The following DAPK2 variants were observed in gnomAD, a reference collection of about 807,000 sequenced individuals.
DAPK2 encodes death associated protein kinase 2.
In DAPK2, 35 loss-of-function variants were observed where a neutral mutation model predicts 44.1. The ratio of observed to expected loss-of-function variants is 0.79; its 90% CI spans 0.61 to 1.05. The LOEUF (loss-of-function observed/expected upper bound fraction) is 1.05. DAPK2 is among the 50% of genes least tolerant of loss of function. DAPK2 has a pLI of 0.00. For synonymous variants in DAPK2, 174 were observed against 182.6 expected (o/e 0.95, Z 0.38); for missense variants, 453 against 483.2 (o/e 0.94, Z 0.59).
intron 1 of DAPK2, among the ~76,000 whole-genome samples, chr15:64,008,313 G>A (rs1355685629): frequency 6.6e-6 from 1 of 151,884 alleles, no homozygotes; most frequent in Non-Finnish European, 1.5e-5. Flanking sequence ...TTCATATATT[G>A]GCCTCAGACA....
intron 3 of DAPK2, among the ~76,000 whole-genome samples, chr15:63,953,359 G>C (rs186440670): frequency 2.0e-5 from 3 of 152,126 alleles, no homozygotes; most frequent in Non-Finnish European, 2.9e-5. Context: ...ATGCATAAAT[G>C]AGAACATACA....
At chr15:63,922,813 G>A (rs2079116024) in intron 8 of DAPK2, 6 of 1,535,852 alleles carry the variant, frequency 3.9e-6, no homozygotes, top group Non-Finnish European at 5.2e-6. Context: ...TGGTGTCCTG[G>A]TAGAATGTGG....
At chr15:63,924,081 G>A (rs140554140) in intron 8 of DAPK2, among the ~76,000 whole-genome samples, 5 of 152,220 alleles carry the variant, frequency 3.3e-5, no homozygotes, top group East Asian at 1.9e-4. Context: ...GTCTGGTGAC[G>A]TCCCTGGGTG....
chr15:64,031,259 G>T (rs1196547387), intron 1 of DAPK2, among the ~76,000 whole-genome samples: 6 of 151,470 alleles, frequency 4.0e-5, no homozygotes, highest in African/African-American at 1.5e-4. Context: ...TTGAGACAGG[G>T]TCTTGCTCTG....
In DAPK2 at chr15:63,939,425, A is replaced by T; in HGVS notation, c.454-64T>A. 2 of 1,520,694 alleles carry T rather than the reference A, an allele frequency of 1.3e-6. No individual in the cohort carries two copies. Among genetic ancestry groups the T allele is most frequent in the Non-Finnish European group, 1.8e-6 (2 of 1,133,752 alleles). 94.2% of individuals were successfully genotyped at this position (1,520,694 alleles called of 1,614,324 possible). A position where few individuals can be genotyped will look rare whatever the true frequency, so the allele number is the denominator to read the frequency against. ...GAAAAGAAAAAAAAAGACGGTAATT[A>T]AAGGCTGGTTGGTTCGTGTTTTGGC... On this transcript the variant is annotated intron_variant, in intron 3 of 10. Coordinates refer to ENST00000261891, the Ensembl canonical transcript of DAPK2. This position sits in a 1 kb window ranked among gnomAD's most constrained non-coding sequence, Gnocchi z 4.3.
intron 2 of DAPK2, among the ~76,000 whole-genome samples, chr15:63,982,187 C>CTT (rs5813271): frequency 0.053 from 5,705 of 107,768 alleles, 334 homozygotes; most frequent in Non-Finnish European, 0.066. Flanking sequence ...TCAGAATATT[C>CTT]TTTTTTTTTT....
chr15:63,928,942 C>A (rs539032591), intron 6 of DAPK2, among the ~76,000 whole-genome samples: 68 of 152,278 alleles, frequency 4.5e-4, no homozygotes, highest in African/African-American at 1.5e-3. Flanking sequence ...GTGGCTCATA[C>A]CTGTAATCCC....
chr15:64,039,544 T>G (rs190001061), intron 1 of DAPK2, among the ~76,000 whole-genome samples: 9 of 152,284 alleles, frequency 5.9e-5, no homozygotes, highest in African/African-American at 2.2e-4. Context: ...ACCTAAATAT[T>G]AGCAGCTGGT....
At chr15:63,950,428 G>A (rs1388870343) in intron 3 of DAPK2, among the ~76,000 whole-genome samples, 4 of 150,908 alleles carry the variant, frequency 2.7e-5, no homozygotes, top group Non-Finnish European at 4.4e-5. Flanking sequence ...CTGTTACCCA[G>A]GCTGGTCTCA....
At chr15:63,962,503 T>C (rs746197916) in intron 3 of DAPK2, among the ~76,000 whole-genome samples, 1 of 152,250 alleles carries the variant, frequency 6.6e-6, no homozygotes, top group Non-Finnish European at 1.5e-5. Flanking sequence ...TGGTCTTTGA[T>C]GATGGTGACG....
chr15:63,945,815 G>C (rs2077434677), intron 3 of DAPK2, among the ~76,000 whole-genome samples: 1 of 152,174 alleles, frequency 6.6e-6, no homozygotes, highest in African/African-American at 2.4e-5. Context: ...CTCCCAAGCT[G>C]GCTGTGAAAA....
At chr15:63,931,184 A>G (rs2079543386) in intron 4 of DAPK2, among the ~76,000 whole-genome samples, 1 of 152,222 alleles carries the variant, frequency 6.6e-6, no homozygotes, top group Admixed American at 6.5e-5. Context: ...CCAGAGTCCA[A>G]ATTTGCTGGC....
At chr15:64,035,395 C>T (rs2080152074) in intron 1 of DAPK2, among the ~76,000 whole-genome samples, 1 of 152,218 alleles carries the variant, frequency 6.6e-6, no homozygotes, top group East Asian at 1.9e-4. Context: ...GACCATGCTA[C>T]ACTACCCTCG....
rs1356860086 is a variant in DAPK2 at position 63,939,065 on chromosome 15, C to A, written c.583+167G>T. Among the ~76,000 whole-genome samples, 1 of 152,098 alleles carries A rather than the reference C, an allele frequency of 6.6e-6. No homozygotes were observed. Among genetic ancestry groups the A allele is most frequent in the African/African-American group, 2.4e-5 (1 of 41,408 alleles). On this transcript the variant is annotated intron_variant, in intron 4 of 10. Coordinates refer to ENST00000261891, the Ensembl canonical transcript of DAPK2. The surrounding 1 kb of genome is among the most constrained non-coding windows in gnomAD (Gnocchi z 4.3). ...CAAAGCCTACACCTGGGCCCTCATCCCCAGGCCCAATAAGACATTTCCTTC... is the reference window on the plus strand; with the variant it reads ...CAAAGCCTACACCTGGGCCCTCATCACCAGGCCCAATAAGACATTTCCTTC...
chr15:64,046,365 G>GGCGGGCA (rs1567295812), upstream of DAPK2: 82 of 261,724 alleles, frequency 3.1e-4, 4 homozygotes, highest in African/African-American at 2.7e-3. The surrounding 1 kb of genome is among the most constrained non-coding windows in gnomAD (Gnocchi z 5.3). Context: ...CGCGGCGGGC[G>GGCGGGCA]CGGCGGGCGC....
intron 1 of DAPK2, among the ~76,000 whole-genome samples, chr15:64,016,831 GGAAGGAGGGAAGGAAGGAA>G (rs2079540675): frequency 9.9e-6 from 1 of 100,678 alleles, no homozygotes; most frequent in Non-Finnish European, 2.1e-5. Context: ...GGGGAAGGAA[GGAAGGAGGGAAGGAAGGAA>G]GGAAGGAAGG....
chr15:63,963,927 GTAGT>G (rs1307944715), intron 3 of DAPK2, among the ~76,000 whole-genome samples: 60 of 152,176 alleles, frequency 3.9e-4, no homozygotes, highest in Admixed American at 3.9e-3. Flanking sequence ...TTGAAACATT[GTAGT>G]TATTTTTTAT....
rs1404591423 is a variant in DAPK2, at chr15:64,020,326, T to C, written c.92+19844A>G. On this transcript the variant is annotated intron_variant, in intron 1 of 10. Transcript: ENST00000261891. The surrounding 1 kb of genome is among the most constrained non-coding windows in gnomAD (Gnocchi z 4.5). ...GAATGCATCAACATGAAGAAACAGCTGAGAAGGCAGTGGGGGATAGAACCC... is the reference window on the plus strand; with the variant it reads ...GAATGCATCAACATGAAGAAACAGCCGAGAAGGCAGTGGGGGATAGAACCC... Among the ~76,000 whole-genome samples, 6 of 152,194 alleles carry C rather than the reference T, an allele frequency of 3.9e-5. No homozygotes were observed. Among genetic ancestry groups the C allele is most frequent in the African/African-American group, 1.4e-4 (6 of 41,454 alleles).
intron 1 of DAPK2, among the ~76,000 whole-genome samples, chr15:64,021,514 T>G (rs1487557512): frequency 6.6e-6 from 1 of 152,200 alleles, no homozygotes; most frequent in African/African-American, 2.4e-5. Context: ...GCTGATGGCT[T>G]TACCAGCCCC....
Sources: gnomAD v4.1 joint callset for allele counts (sites outside exome capture counted in the v4.1 genomes callset) on GRCh38, gnomAD v4.1.1 for gene constraint, Gnocchi (gnomAD v3.1) non-coding constraint, MANE v1.5 for transcripts, NCBI Gene and HGNC (gene_info 2026-07-23, HGNC 2026-07-21) for gene names.